COPA: variants seen among roughly 807,000 people sequenced by gnomAD.
COPA encodes coat protein complex I subunit alpha.
Under a neutral mutation model 158.7 loss-of-function variants are expected in COPA, and 10 were observed. That is an observed-to-expected ratio of 0.06 (90% CI 0.04 to 0.11). COPA has a LOEUF of 0.11. Ranked by LOEUF, COPA falls within the 10% of genes least tolerant of loss-of-function variation. COPA has a pLI of 1.00. For synonymous variants in COPA, 462 were observed against 542.8 expected, an observed-to-expected ratio of 0.85 and a Z score of 2.07; for missense variants, 1,065 against 1,536.7, an observed-to-expected ratio of 0.69 and a Z score of 5.13.
Position 160,295,794 on chromosome 1 carries a change from G to T in COPA, c.2418C>A (p.Thr806=), listed in dbSNP as rs1459719305. 1 of 1,613,344 alleles carries T rather than the reference G, an allele frequency of 6.2e-7. No homozygotes were observed. Among genetic ancestry groups the T allele is most frequent in the Non-Finnish European group, 8.5e-7 (1 of 1,179,852 alleles). ...TGGATACAGTCAATAAAGGCCAATT[G>T]GTATCCAATGGCATGATAGGTGCAG... The part of the protein sequence containing the change: ...QPPAPIMPLD[T]NWPLLTVSKG... The change falls in exon 23 of 33, where the codon ACC becomes ACA. Residue 806 remains threonine (T), a synonymous_variant. Coordinates refer to ENST00000241704, the MANE Select transcript of COPA (RefSeq NM_004371.4).
At chr1:160,290,717 A>C in intron 31 of COPA, 31 bp from the exon 32 acceptor site, 1 of 1,601,364 alleles carries the variant, frequency 6.2e-7, no homozygotes, top group Non-Finnish European at 8.6e-7. Flanking sequence ...TTAGGAGGAC[A>C]GAAGGCTGCA....
chr1:160,333,573 T>C (rs768203885), intron 5 of COPA, 30 bp downstream of exon 5: 22 of 1,534,316 alleles, frequency 1.4e-5, no homozygotes. Context: ...AAATGAAGAC[T>C]CTTTTCGAGC....
chr1:160,324,218 T>A (rs1400278596), intron 7 of COPA, among the ~76,000 whole-genome samples: 4 of 152,010 alleles, frequency 2.6e-5, no homozygotes, highest in Non-Finnish European at 4.4e-5. Flanking sequence ...AGCTCCAAGA[T>A]TATTTTAAGA....
chr1:160,292,626 A>G lies in COPA; in HGVS notation c.2824-6T>C. 2 of 1,578,904 alleles carry G rather than the reference A, an allele frequency of 1.3e-6. No homozygotes were observed. The highest frequency in any genetic ancestry group is 1.7e-6 in the Non-Finnish European group (2 of 1,166,084). ...CCTACTTGGTCATGAAGGAGCTGGA[A>G]CAGAAGGAAAGAAACAAGGATTTTG... On this transcript the variant is annotated splice_polypyrimidine_tract_variant and splice_region_variant and intron_variant, in intron 27 of 32. Transcript: ENST00000241704.
At chr1:160,298,501 C>T (rs1038180803) in intron 19 of COPA, among the ~76,000 whole-genome samples, 5 of 152,194 alleles carry the variant, frequency 3.3e-5, no homozygotes, top group African/African-American at 7.2e-5. Flanking sequence ...TAGGCCCCAA[C>T]GCTTAGTAGG....
chr1:160,292,223 G>A (rs755603772), intron 28 of COPA, 25 bp from the exon 29 acceptor site: 2 of 1,604,210 alleles, frequency 1.2e-6, no homozygotes, highest in Non-Finnish European at 1.7e-6. Context: ...GTAGGAAGAA[G>A]ACAGGATAGT....
intron 17 of COPA, among the ~76,000 whole-genome samples, chr1:160,304,413 C>T (rs894364785): frequency 6.6e-6 from 1 of 151,850 alleles, no homozygotes; most frequent in African/African-American, 2.4e-5. Context: ...CGCCTGTAAT[C>T]CCAGCACTTT....
At position 160,299,157 on chromosome 1, in the gene COPA, A is replaced by C. The variant is rs762223365; in HGVS notation, c.1775T>G (p.Ile592Ser). 1 of 1,614,232 alleles carries C rather than the reference A, an allele frequency of 6.2e-7. No individual in the cohort carries two copies. The highest frequency in any genetic ancestry group is 8.5e-7 in the Non-Finnish European group (1 of 1,180,042). Residue 592 changes from isoleucine (I) to serine (S), a missense_variant, in exon 18 of 33, where the codon ATT becomes AGT. Around this residue, in one of 2 missense-constraint regions of COPA, gnomAD observed 980 missense variants for 1,357.8 expected, o/e 0.72. Transcript: ENST00000241704. ...DRECRPRVLTIDPTEFKFKLA... is the reference protein window; with the variant it reads ...DRECRPRVLTSDPTEFKFKLA... ...CTTGAATTTGAACTCAGTGGGATCA[A>C]TGGTGAGTACCCGGGGACGACACTC... is the stretch of plus-strand genomic sequence containing the variant.
chr1:160,294,539 T>C lies in COPA; in HGVS notation c.2621A>G (p.Gln874Arg). The C allele has an allele frequency of 6.2e-7, 1 of 1,614,226 alleles. No homozygotes were observed. The change falls in exon 25 of 33, where the codon CAG (glutamine) becomes CGG (arginine). Residue 874 changes from glutamine to arginine, a missense_variant. This residue lies in a region of COPA where 980 missense variants were observed against 1,357.8 expected (regional missense o/e 0.72). Transcript: ENST00000241704. The stretch of plus-strand genomic sequence containing the variant: ...TACATCCCAGCCACCTCCTTCTTCC[T>C]GTCCCTTGCCAAGAGCATCATCCCC... ...GLGDDALGKG[Q>R]EEGGGWDVEE...
At chr1:160,322,764 A>G (rs781120571) in intron 8 of COPA, among the ~76,000 whole-genome samples, 4 of 152,184 alleles carry the variant, frequency 2.6e-5, no homozygotes, top group Non-Finnish European at 2.9e-5. Context: ...GTATAGTCAC[A>G]ATGGAGAATA....
At chr1:160,309,744 T>A (rs1009801206) in intron 12 of COPA, among the ~76,000 whole-genome samples, 48 of 42,510 alleles carry the variant, frequency 1.1e-3, no homozygotes, top group Non-Finnish European at 1.8e-3. Context: ...TGTCATTTCT[T>A]TTTTTTTTTT....
intron 4 of COPA, 52 bp downstream of exon 4, chr1:160,335,190 A>T (rs2101874611): frequency 2.0e-6 from 3 of 1,490,056 alleles, no homozygotes; most frequent in Non-Finnish European, 2.7e-6. Context: ...AATAAAGATT[A>T]CTATGGGGAA....
At chr1:160,319,178 C>T (rs1366777464) in intron 8 of COPA, among the ~76,000 whole-genome samples, 1 of 151,836 alleles carries the variant, frequency 6.6e-6, no homozygotes, top group Non-Finnish European at 1.5e-5. Flanking sequence ...AGACTGAAAA[C>T]GAAGGAGTGG....
intron 17 of COPA, chr1:160,305,213 G>A: frequency 2.1e-6 from 1 of 481,230 alleles, no homozygotes; most frequent in South Asian, 3.2e-5. Context: ...TAACTTATTT[G>A]TTATTCTATT....
At chr1:160,322,471 T>C (rs185752780) in intron 8 of COPA, among the ~76,000 whole-genome samples, 157 of 152,230 alleles carry the variant, frequency 1.0e-3, no homozygotes, top group African/African-American at 3.6e-3. Flanking sequence ...CCAGAAACTA[T>C]GAAACTACTA....
At position 160,332,513 on chromosome 1, in the gene COPA, T is replaced by C; in HGVS notation, c.431A>G (p.His144Arg). 6.2e-7 allele frequency: 1 copy of C among 1,613,372 alleles called. No individual in the cohort carries two copies. The highest frequency in any genetic ancestry group is 1.1e-5 in the South Asian group (1 of 90,998). ...HNHYVMCAQF[H>R]PTEDLVVSAS... The stretch of plus-strand genomic sequence containing the variant: ...TGATACTACCAAGTCTTCTGTGGGG[T>C]GGAACTGAGCACACATCACATAATG... Residue 144 changes from histidine to arginine, a missense_variant, in exon 6 of 33, where the codon CAC (histidine) becomes CGC (arginine). This residue lies in a region of COPA where 980 missense variants were observed against 1,357.8 expected (regional missense o/e 0.72). Coordinates refer to ENST00000241704, the MANE Select transcript of COPA (RefSeq NM_004371.4).
chr1:160,313,981 C>T lies in COPA; in HGVS notation c.842+9G>A, dbSNP rs753890016. ...GAGAAAGTTCACACAACACTGAGGA[C>T]TACCTTACCGCTTAGACATATCCCA... is the stretch of plus-strand genomic sequence containing the variant. On this transcript the variant is annotated intron_variant, in intron 9 of 32. Coordinates refer to ENST00000241704, the MANE Select transcript of COPA (RefSeq NM_004371.4). 1 of 1,604,050 alleles carries T rather than the reference C, an allele frequency of 6.2e-7. No individual in the cohort carries two copies. Among genetic ancestry groups the T allele is most frequent in the Admixed American group, 1.7e-5 (1 of 58,238 alleles).
chr1:160,337,182 C>T (rs894912769), intron 3 of COPA, among the ~76,000 whole-genome samples: 1 of 152,108 alleles, frequency 6.6e-6, no homozygotes, highest in Non-Finnish European at 1.5e-5. Flanking sequence ...GTCTTGACTC[C>T]TTTAATGGCC....
chr1:160,320,559 A>G (rs758435867), intron 8 of COPA, among the ~76,000 whole-genome samples: 3 of 130,806 alleles, frequency 2.3e-5, no homozygotes, highest in Non-Finnish European at 4.7e-5. Flanking sequence ...CAGTGAGCTA[A>G]GATTGCCCTG....
Sources: allele counts gnomAD v4.1 joint callset (sites outside exome capture counted in the v4.1 genomes callset), GRCh38; gene constraint gnomAD v4.1.1; regional missense constraint gnomAD v4.1.1; transcripts MANE v1.5; gene names NCBI Gene and HGNC (gene_info 2026-07-23, HGNC 2026-07-21).